TMIGD1: variants seen among roughly 807,000 people sequenced by gnomAD.
TMIGD1 encodes transmembrane and immunoglobulin domain containing 1.
A neutral mutation model predicts 27.5 loss-of-function variants in TMIGD1; 29 were observed. The observed-to-expected ratio is 1.05, with a 90% CI of 0.78 to 1.44. TMIGD1 has a LOEUF of 1.44. Among genes scored for constraint, TMIGD1 ranks in the 40% most tolerant of loss-of-function variants. The probability of loss-of-function intolerance (pLI) is 0.00; values close to 1 mark genes in which losing one functional copy is unlikely to be tolerated. For missense variants in TMIGD1, 334 were observed against 310.6 expected, an observed-to-expected ratio of 1.08 and a Z score of -0.57; for synonymous variants, 109 against 110.3, an observed-to-expected ratio of 0.99 and a Z score of 0.07.
At chr17:30,324,486 A>G (rs771419873) in intron 4 of TMIGD1, among the ~76,000 whole-genome samples, 2 of 152,124 alleles carry the variant, frequency 1.3e-5, no homozygotes, top group East Asian at 3.8e-4. Context: ...TGAAGCTGTG[A>G]ACTCAAAAGT....
intron 3 of TMIGD1, among the ~76,000 whole-genome samples, chr17:30,327,989 C>T (rs1196246477): frequency 6.6e-6 from 1 of 151,882 alleles, no homozygotes; most frequent in Non-Finnish European, 1.5e-5. Context: ...TGAAAAGCTT[C>T]ACCTTTTTTG....
intron 4 of TMIGD1, among the ~76,000 whole-genome samples, chr17:30,321,911 G>C (rs3103303): frequency 0.34 from 51,630 of 151,868 alleles, 9,138 homozygotes; most frequent in Admixed American, 0.39. Context: ...TCACTGCAGC[G>C]TCGACCTCTA....
intron 1 of TMIGD1, among the ~76,000 whole-genome samples, chr17:30,332,427 A>G (rs1329704567): frequency 1.3e-5 from 2 of 152,232 alleles, no homozygotes; most frequent in Non-Finnish European, 2.9e-5. Context: ...GGAAGATGAA[A>G]CCAGTCTTCC....
At chr17:30,326,607 T>C (rs1389974674) in intron 3 of TMIGD1, among the ~76,000 whole-genome samples, 1 of 152,220 alleles carries the variant, frequency 6.6e-6, no homozygotes, top group Non-Finnish European at 1.5e-5. Flanking sequence ...TATAGTATAA[T>C]GTATGCCTTT....
At chr17:30,317,993 A>G (rs1274218884) in intron 5 of TMIGD1, among the ~76,000 whole-genome samples, 1 of 151,548 alleles carries the variant, frequency 6.6e-6, no homozygotes. Context: ...ACTTGAGCCC[A>G]GGAGGTTGAG....
intron 3 of TMIGD1, among the ~76,000 whole-genome samples, chr17:30,326,254 T>A (rs2143163735): frequency 6.6e-6 from 1 of 152,318 alleles, no homozygotes; most frequent in South Asian, 2.1e-4. Context: ...TGTTAGTGAT[T>A]TCTTTCTATT....
intron 4 of TMIGD1, among the ~76,000 whole-genome samples, chr17:30,322,996 C>T (rs1909667563): frequency 1.3e-5 from 2 of 152,214 alleles, no homozygotes; most frequent in South Asian, 4.2e-4. Flanking sequence ...ATGGCAAGAC[C>T]TCCTCTCTAC....
Position 30,329,426 on chromosome 17 carries a change from C to T in TMIGD1, c.186G>A (p.Glu62=). ...CCTCTCGGTACCAGAGCAGTTCTTC[C>T]TCTCTGGTGTGGTTTTGAACAGCAC... ...LICAVQNHTR[E]EELLWYREEG... is the part of the protein sequence containing the mutation. Residue 62 remains glutamate, a synonymous_variant, in exon 3 of 7, where the codon GAG becomes GAA. Coordinates refer to ENST00000328886, the MANE Select transcript of TMIGD1 (RefSeq NM_206832.3). The T allele has an allele frequency of 2.5e-6, 4 of 1,614,198 alleles. No individual in the cohort carries two copies. The highest frequency in any genetic ancestry group is 2.5e-6 in the Non-Finnish European group (3 of 1,180,000).
chr17:30,324,702 A>G (rs1230098212), intron 4 of TMIGD1, 114 bp downstream of exon 4: 1 of 1,289,106 alleles, frequency 7.8e-7, no homozygotes, highest in Non-Finnish European at 1.1e-6. Context: ...TTCTCCAAAG[A>G]AAATCCTGGC....
chr17:30,328,395 CT>C (rs2143173634), intron 3 of TMIGD1, among the ~76,000 whole-genome samples: 1 of 152,172 alleles, frequency 6.6e-6, no homozygotes, highest in Non-Finnish European at 1.5e-5. Context: ...AGACTTGAAG[CT>C]TTAAATATAT....
At chr17:30,330,580 T>C (rs955210799) in intron 2 of TMIGD1, among the ~76,000 whole-genome samples, 1 of 152,220 alleles carries the variant, frequency 6.6e-6, no homozygotes, top group African/African-American at 2.4e-5. Flanking sequence ...AATTGGGTCT[T>C]GCATCTATAA....
intron 1 of TMIGD1, among the ~76,000 whole-genome samples, chr17:30,333,098 C>T (rs1466956792): frequency 1.3e-5 from 2 of 152,074 alleles, no homozygotes; most frequent in African/African-American, 4.8e-5. Context: ...CCCTACTACC[C>T]AATCTACTGC....
At chr17:30,318,683 T>G (rs1198369183) in intron 5 of TMIGD1, 127 bp downstream of exon 5, 1 of 606,584 alleles carries the variant, frequency 1.6e-6, no homozygotes, top group Non-Finnish European at 2.9e-6. Context: ...ATTTTAGATC[T>G]CATGGTATAA....
At chr17:30,333,524 C>T (rs1027601601) in intron 1 of TMIGD1, among the ~76,000 whole-genome samples, 6 of 152,042 alleles carry the variant, frequency 3.9e-5, no homozygotes, top group African/African-American at 1.4e-4. Flanking sequence ...GTTCTCTCCC[C>T]TTAACACCAG....
At chr17:30,319,261 A>AAAAAAAAAAATATATATATATAT in intron 4 of TMIGD1, among the ~76,000 whole-genome samples, 3 of 69,040 alleles carry the variant, frequency 4.3e-5, no homozygotes, top group Admixed American at 1.5e-4. Context: ...AAAAAAAAAA[A>AAAAAAAAAAATATATATATATAT]ATATATATAT....
chr17:30,333,090 C>T (rs1435805040), intron 1 of TMIGD1, among the ~76,000 whole-genome samples: 6 of 152,064 alleles, frequency 3.9e-5, no homozygotes, highest in Non-Finnish European at 5.9e-5. Flanking sequence ...CTCAACCACC[C>T]TACTACCCAA....
chr17:30,317,155 T>C (rs762452412), intron 6 of TMIGD1, 38 bp downstream of exon 6: 1 of 1,610,010 alleles, frequency 6.2e-7, no homozygotes, highest in Admixed American at 1.7e-5. Context: ...ATTCATCTGC[T>C]TATTTAAAAA....
At chr17:30,323,293 A>G (rs1313600191) in intron 4 of TMIGD1, among the ~76,000 whole-genome samples, 3 of 152,022 alleles carry the variant, frequency 2.0e-5, no homozygotes, top group African/African-American at 7.2e-5. Context: ...TCCCTCCTAT[A>G]TTCATCATGG....
At chr17:30,331,867 C>T (rs544114758) in intron 2 of TMIGD1, among the ~76,000 whole-genome samples, 185 bp downstream of exon 2, 3 of 152,284 alleles carry the variant, frequency 2.0e-5, no homozygotes, top group East Asian at 3.9e-4. Flanking sequence ...GGATTACAGG[C>T]GTGAGCCACC....
Sources: gnomAD v4.1 joint callset for allele counts (sites outside exome capture counted in the v4.1 genomes callset) on GRCh38, gnomAD v4.1.1 for gene constraint, MANE v1.5 for transcripts, NCBI Gene and HGNC (gene_info 2026-07-23, HGNC 2026-07-21) for gene names.